SLC35F1: variants seen among roughly 807,000 people sequenced by gnomAD.
The protein encoded by SLC35F1 is solute carrier family 35 member F1, also known as chromosome 6 open reading frame 169.
A neutral mutation model predicts 48.7 loss-of-function variants in SLC35F1; 14 were observed. That is an observed-to-expected ratio of 0.29 (90% CI 0.19 to 0.45). The LOEUF (loss-of-function observed/expected upper bound fraction) is 0.45, where lower values mean the gene tolerates loss of function less well. SLC35F1 is among the 20% of genes least tolerant of loss of function. SLC35F1 has a pLI of 1.00. For missense variants in SLC35F1, 404 were observed against 500.0 expected (o/e 0.81, Z 1.83); for synonymous variants, 190 against 202.2 (o/e 0.94, Z 0.51).
At chr6:118,190,707 G>A (rs1774721041) in intron 2 of SLC35F1, among the ~76,000 whole-genome samples, 1 of 152,104 alleles carries the variant, frequency 6.6e-6, no homozygotes. Context: ...TTCTACTATT[G>A]TGACTATGGG....
intron 2 of SLC35F1, among the ~76,000 whole-genome samples, chr6:118,209,447 T>C (rs909591818): frequency 3.3e-5 from 5 of 152,218 alleles, no homozygotes; most frequent in African/African-American, 1.2e-4. Flanking sequence ...ACCTGCTTTT[T>C]ATATGCTTAA....
chr6:117,911,782 C>T lies in SLC35F1; in HGVS notation c.173+3883C>T, dbSNP rs530420413. The stretch of plus-strand genomic sequence containing the variant: ...CTTAGCATGGTATAGTATATATTAC[C>T]CTGCCACAGGCAATCAGAAAATGAC... On this transcript the variant is annotated intron_variant, in intron 1 of 7. Coordinates refer to ENST00000360388, the MANE Select transcript of SLC35F1 (RefSeq NM_001029858.4). Among the ~76,000 whole-genome samples the T allele has an allele frequency of 2.0e-5, 3 of 152,044 alleles. No individual in the cohort carries two copies. In the South Asian group the frequency reaches 6.2e-4, roughly 32 times the overall value.
intron 1 of SLC35F1, among the ~76,000 whole-genome samples, chr6:117,983,225 T>G (rs1461440648): frequency 6.6e-6 from 1 of 152,092 alleles, no homozygotes; most frequent in Non-Finnish European, 1.5e-5. Context: ...GATAGATGAG[T>G]CTGAGGCCTA....
chr6:118,127,451 T>A lies in SLC35F1; in HGVS notation c.174-26994T>A, dbSNP rs561868827. On this transcript the variant is annotated intron_variant, in intron 1 of 7. Transcript: ENST00000360388. ...ATTGGTCTAAAATTCTCTTTTTTGG[T>A]TGTGTCTCTGCCCGGCTTTGGTATC... Among the ~76,000 whole-genome samples the A allele has an allele frequency of 2.4e-4, 36 of 152,110 alleles. 1 individual carries two copies. In the South Asian group the frequency reaches 7.3e-3, roughly 31 times the overall value.
intron 1 of SLC35F1, among the ~76,000 whole-genome samples, chr6:118,116,673 C>G (rs1773480156): frequency 6.6e-6 from 1 of 152,102 alleles, no homozygotes; most frequent in African/African-American, 2.4e-5. Context: ...CTGTTGATAT[C>G]TTGTGATGCT....
chr6:118,225,016 A>T (rs566390359), intron 2 of SLC35F1, among the ~76,000 whole-genome samples: 1 of 152,338 alleles, frequency 6.6e-6, no homozygotes, highest in Non-Finnish European at 1.5e-5. Flanking sequence ...TGATGAAAGA[A>T]ATTGAAGAGG....
chr6:118,192,404 A>G (rs929580709), intron 2 of SLC35F1, among the ~76,000 whole-genome samples: 1 of 152,184 alleles, frequency 6.6e-6, no homozygotes, highest in African/African-American at 2.4e-5. Flanking sequence ...TAAAGTTATT[A>G]GAAACCTGTA....
intron 1 of SLC35F1, among the ~76,000 whole-genome samples, chr6:117,962,092 G>A (rs1157003163): frequency 6.6e-6 from 1 of 152,164 alleles, no homozygotes; most frequent in Non-Finnish European, 1.5e-5. Flanking sequence ...TTATCGACTG[G>A]ATCACTCGGT....
chr6:118,003,029 A>G (rs540897247), intron 1 of SLC35F1, among the ~76,000 whole-genome samples: 58 of 152,238 alleles, frequency 3.8e-4, no homozygotes, highest in Non-Finnish European at 7.2e-4. Context: ...GATTGTGCTC[A>G]GTAAATCAAA....
intron 2 of SLC35F1, among the ~76,000 whole-genome samples, chr6:118,228,555 A>G (rs953325591): frequency 6.6e-6 from 1 of 151,992 alleles, no homozygotes. Flanking sequence ...TTGGTCAGAT[A>G]TGGTGGCGTG....
intron 1 of SLC35F1, among the ~76,000 whole-genome samples, chr6:118,112,938 G>T (rs1773429856): frequency 6.6e-6 from 1 of 151,964 alleles, no homozygotes. Flanking sequence ...CTGTCAGAAT[G>T]AATTAAAAAA....
Position 118,307,885 on chromosome 6 carries a change from C to T in SLC35F1, c.1003-6143C>T, listed in dbSNP as rs147981533. ...TCGTCCTGCACCAAGCAATTGTACC[C>T]AAGCTCCAGGTATGATCCTCAGCCC... On this transcript the variant is annotated intron_variant, in intron 7 of 7. Transcript: ENST00000360388. 4.5e-3 allele frequency among the ~76,000 whole-genome samples: 679 copies of T among 152,304 alleles called. 3 individuals carry two copies. Among genetic ancestry groups the T allele is most frequent in the Non-Finnish European group, 5.9e-3 (398 of 68,014 alleles).
intron 2 of SLC35F1, among the ~76,000 whole-genome samples, chr6:118,231,296 T>C (rs1775289949): frequency 6.6e-6 from 1 of 152,214 alleles, no homozygotes; most frequent in African/African-American, 2.4e-5. Flanking sequence ...TTATTACTTC[T>C]CCCAGTTAAT....
intron 1 of SLC35F1, among the ~76,000 whole-genome samples, chr6:118,091,462 G>C (rs1029694292): frequency 1.2e-4 from 18 of 152,264 alleles, no homozygotes; most frequent in African/African-American, 4.3e-4. Flanking sequence ...ACACTTTCTT[G>C]CCTGCTGCCA....
rs1776413492 is a variant in SLC35F1 at position 118,314,883 on chromosome 6, T to C, written c.*631T>C. The C allele has an allele frequency of 6.5e-6, 1 of 153,294 alleles. No homozygotes were observed. The highest frequency in any genetic ancestry group is 1.5e-5 in the Non-Finnish European group (1 of 68,572). The allele number at this position is 153,294 out of a possible 1,614,324, so 9.5% of individuals were successfully genotyped here. A position where few individuals can be genotyped will look rare whatever the true frequency, so the allele number is the denominator to read the frequency against. On this transcript the variant is annotated 3_prime_UTR_variant, in exon 8 of 8. Coordinates refer to ENST00000360388, the MANE Select transcript of SLC35F1 (RefSeq NM_001029858.4). The stretch of plus-strand genomic sequence containing the variant: ...ACCATATACTTCTCTATTCTAGGAA[T>C]AGATATAAAAGAAACATTTTAGCCT...
At chr6:118,274,217 A>G (rs1775891951) in intron 4 of SLC35F1, among the ~76,000 whole-genome samples, 1 of 152,152 alleles carries the variant, frequency 6.6e-6, no homozygotes, top group African/African-American at 2.4e-5. Context: ...CTTATGCAGG[A>G]CAGAGCCAGA....
intron 2 of SLC35F1, among the ~76,000 whole-genome samples, chr6:118,230,197 G>A (rs1003667522): frequency 6.6e-6 from 1 of 152,018 alleles, no homozygotes; most frequent in Non-Finnish European, 1.5e-5. Context: ...AAAATTAGCT[G>A]GGCATAGTGG....
At chr6:117,945,800 T>G (rs1303637077) in intron 1 of SLC35F1, among the ~76,000 whole-genome samples, 1 of 152,242 alleles carries the variant, frequency 6.6e-6, no homozygotes, top group Non-Finnish European at 1.5e-5. Flanking sequence ...GCTTTCACTT[T>G]GTAGGACCAT....
intron 3 of SLC35F1, among the ~76,000 whole-genome samples, chr6:118,254,408 C>A (rs569709495): frequency 2.0e-5 from 3 of 152,248 alleles, no homozygotes; most frequent in Admixed American, 6.5e-5. Flanking sequence ...CAGCCTCCCA[C>A]GTGGCTGGGA....
Sources: gnomAD v4.1 joint callset for allele counts (sites outside exome capture counted in the v4.1 genomes callset) on GRCh38, gnomAD v4.1.1 for gene constraint, MANE v1.5 for transcripts, NCBI Gene and HGNC (gene_info 2026-07-23, HGNC 2026-07-21) for gene names.